GRM7: variants seen among roughly 807,000 people sequenced by gnomAD.
GRM7 encodes glutamate metabotropic receptor 7.
In GRM7, 35 loss-of-function variants were observed where a neutral mutation model predicts 84.5. The ratio of observed to expected loss-of-function variants is 0.41; its 90% CI spans 0.32 to 0.55. The LOEUF (loss-of-function observed/expected upper bound fraction) is 0.55. Among genes scored for constraint, GRM7 ranks in the 20% least tolerant of loss-of-function variants. The pLI is 0.19. For synonymous variants in GRM7, 487 were observed against 455.1 expected (o/e 1.07, Z -0.89); for missense variants, 1,003 against 1,194.6 (o/e 0.84, Z 2.36).
chr3:7,269,080 T>C (rs558540945), intron 2 of GRM7, among the ~76,000 whole-genome samples: 3 of 152,174 alleles, frequency 2.0e-5, no homozygotes, highest in African/African-American at 7.2e-5. Flanking sequence ...TCAAGGGCAA[T>C]AAAAAAACAG....
At chr3:7,367,938 C>T (rs1315157532) in intron 4 of GRM7, among the ~76,000 whole-genome samples, 9 of 126,098 alleles carry the variant, frequency 7.1e-5, no homozygotes, top group Admixed American at 1.6e-4. Flanking sequence ...CATTAATCCT[C>T]AAAAAAAAAA....
chr3:7,465,055 TTC>T (rs1322404709), intron 7 of GRM7, among the ~76,000 whole-genome samples: 2 of 152,168 alleles, frequency 1.3e-5, no homozygotes, highest in Non-Finnish European at 2.9e-5. Context: ...GTTTAAAATA[TTC>T]TGTTTAATTT....
chr3:7,117,486 G>A (rs1003028229), intron 1 of GRM7, among the ~76,000 whole-genome samples: 4 of 152,078 alleles, frequency 2.6e-5, no homozygotes, highest in Non-Finnish European at 4.4e-5. Flanking sequence ...CTTGTAGAAC[G>A]TGCTCCAGTT....
chr3:7,261,902 C>CTCCCTTCCTCCCTTCCT (rs1553639175), intron 2 of GRM7, among the ~76,000 whole-genome samples: 7 of 82,844 alleles, frequency 8.4e-5, no homozygotes, highest in African/African-American at 1.6e-4. Flanking sequence ...CCCTCCCTCC[C>CTCCCTTCCTCCCTTCCT]TCCCTCCCTC....
chr3:7,491,361 T>A lies in GRM7; in HGVS notation c.1515+29639T>A, dbSNP rs1004576933. ...ATTTTATACTTTTCCATTTATCTAG[T>A]TCTTATAGTTCTATTTGCATAATAA... On this transcript the variant is annotated intron_variant, in intron 7 of 9. Transcript: ENST00000357716. Among the ~76,000 whole-genome samples the A allele has an allele frequency of 2.6e-4, 39 of 152,134 alleles. No individual in the cohort carries two copies. In the East Asian group the frequency reaches 2.7e-3, roughly 11 times the overall value.
chr3:7,327,807 T>C (rs899970467), intron 4 of GRM7, among the ~76,000 whole-genome samples: 4 of 152,234 alleles, frequency 2.6e-5, no homozygotes, highest in Non-Finnish European at 4.4e-5. Flanking sequence ...GATCCTGATG[T>C]ATAATCAAAG....
intron 7 of GRM7, among the ~76,000 whole-genome samples, chr3:7,525,669 G>C (rs1417294148): frequency 6.6e-6 from 1 of 152,108 alleles, no homozygotes; most frequent in Non-Finnish European, 1.5e-5. Flanking sequence ...AAGGAACACA[G>C]TACCCAGTGG....
At chr3:7,299,150 A>T (rs944997577) in intron 3 of GRM7, among the ~76,000 whole-genome samples, 4 of 152,250 alleles carry the variant, frequency 2.6e-5, no homozygotes, top group African/African-American at 9.6e-5. Context: ...CTCTTAATGT[A>T]AAAGAAAAAT....
intron 4 of GRM7, among the ~76,000 whole-genome samples, chr3:7,367,680 T>G (rs1266920202): frequency 6.6e-6 from 1 of 151,636 alleles, no homozygotes; most frequent in Non-Finnish European, 1.5e-5. Flanking sequence ...AACTCATATG[T>G]TTTAACAGTG....
At chr3:7,226,063 A>G (rs1170563626) in intron 2 of GRM7, among the ~76,000 whole-genome samples, 2 of 152,186 alleles carry the variant, frequency 1.3e-5, no homozygotes, top group African/African-American at 4.8e-5. Context: ...ATTTTAGTTA[A>G]TTAATATTTA....
At chr3:7,649,619 C>CGTGA (rs964875616) in intron 8 of GRM7, among the ~76,000 whole-genome samples, 2 of 151,758 alleles carry the variant, frequency 1.3e-5, no homozygotes, top group African/African-American at 4.8e-5. Context: ...TGCTAACTTG[C>CGTGA]GTGAGTTGAC....
chr3:7,211,949 C>CT (rs1026668284), intron 2 of GRM7, among the ~76,000 whole-genome samples: 97 of 146,498 alleles, frequency 6.6e-4, no homozygotes, highest in Admixed American at 8.9e-4. Flanking sequence ...TGTCTGGCAC[C>CT]TTTTTTTTTT....
intron 2 of GRM7, among the ~76,000 whole-genome samples, chr3:7,229,294 A>G (rs1254040488): frequency 1.3e-5 from 2 of 152,174 alleles, no homozygotes; most frequent in East Asian, 3.9e-4. Context: ...TTGAGCATTT[A>G]CCATTTAACA....
intron 7 of GRM7, among the ~76,000 whole-genome samples, chr3:7,569,524 A>G (rs549094640): frequency 1.1e-4 from 16 of 152,134 alleles, no homozygotes; most frequent in Non-Finnish European, 2.2e-4. Flanking sequence ...GGGGCCAGAT[A>G]AGAATAAAAG....
chr3:7,339,616 G>A (rs1316208966), intron 4 of GRM7, among the ~76,000 whole-genome samples: 1 of 152,114 alleles, frequency 6.6e-6, no homozygotes, highest in Non-Finnish European at 1.5e-5. Flanking sequence ...AAGTTGCTAG[G>A]AAGATCAGCA....
chr3:7,415,235 GA>G (rs1394125953), intron 5 of GRM7, 72 bp downstream of exon 5: 1 of 1,268,038 alleles, frequency 7.9e-7, no homozygotes, highest in East Asian at 2.4e-5. Context: ...ATAGCTGACA[GA>G]AGGAAGCTTG....
chr3:6,913,337 T>G (rs1360385667), intron 1 of GRM7, among the ~76,000 whole-genome samples: 1 of 152,196 alleles, frequency 6.6e-6, no homozygotes, highest in African/African-American at 2.4e-5. Flanking sequence ...ATTTCTTTTG[T>G]GTGGTATGAT....
chr3:7,320,039 C>A (rs1217192561), intron 4 of GRM7, among the ~76,000 whole-genome samples: 1 of 151,924 alleles, frequency 6.6e-6, no homozygotes, highest in Non-Finnish European at 1.5e-5. Context: ...TTACTGTTGA[C>A]TTATCTTTCA....
chr3:7,651,248 G>A (rs998004390), intron 8 of GRM7, among the ~76,000 whole-genome samples: 2 of 152,144 alleles, frequency 1.3e-5, no homozygotes, highest in Admixed American at 1.3e-4. Context: ...AGATAGGTGG[G>A]AGTGAAGGGG....
Sources: allele counts gnomAD v4.1 joint callset (sites outside exome capture counted in the v4.1 genomes callset), GRCh38; gene constraint gnomAD v4.1.1; transcripts MANE v1.5; gene names NCBI Gene and HGNC (gene_info 2026-07-23, HGNC 2026-07-21).